The following TRIM49 variants were observed in gnomAD, a reference collection of about 807,000 sequenced individuals.
TRIM49 encodes tripartite motif-containing protein 49.
Under a neutral mutation model 27.4 loss-of-function variants are expected in TRIM49, and 5 were observed. That is an observed-to-expected ratio of 0.18 (90% confidence interval 0.10 to 0.38). The LOEUF is 0.38. Among genes scored for constraint, TRIM49 ranks in the 10% least tolerant of loss-of-function variants. The probability of loss-of-function intolerance (pLI) is 1.00; values close to 1 mark genes in which losing one functional copy is unlikely to be tolerated. For synonymous variants in TRIM49, 69 were observed against 166.0 expected, an observed-to-expected ratio of 0.42 and a Z score of 4.49; for missense variants, 188 against 487.5, an observed-to-expected ratio of 0.39 and a Z score of 5.79.
At chr11:89,796,898 T>C (rs1949693914), downstream of TRIM49, among the ~76,000 whole-genome samples, 1 of 150,846 alleles carries the variant, frequency 6.6e-6, no homozygotes, top group Admixed American at 6.6e-5. Context: ...TTGAAGTATA[T>C]GTAGGCAATC....
chr11:89,796,085 A>T (rs1199503542), downstream of TRIM49, among the ~76,000 whole-genome samples: 1 of 151,792 alleles, frequency 6.6e-6, no homozygotes, highest in African/African-American at 2.4e-5. Context: ...TCTAATAAAA[A>T]TACTTTAAAC....
At chr11:89,790,564 G>C in the TRIM49 span, among the ~76,000 whole-genome samples, 2 of 152,002 alleles carry the variant, frequency 1.3e-5, no homozygotes, top group African/African-American at 2.4e-5. Flanking sequence ...CTAGAGGAAC[G>C]ATCAGGCAGC....
At chr11:89,769,800 C>T in the TRIM49 span, among the ~76,000 whole-genome samples, 1 of 106,610 alleles carries the variant, frequency 9.4e-6, no homozygotes, top group Admixed American at 8.6e-5. Context: ...CACGAGATGC[C>T]ATTTGGCTCT....
chr11:89,787,921 C>G, the TRIM49 span: 1 of 370,970 alleles, frequency 2.7e-6, no homozygotes, highest in African/African-American at 2.7e-5. Flanking sequence ...CCGGGACCAC[C>G]GGGCCGCGTG....
At chr11:89,804,849 A>AG (rs1279394471) in intron 2 of TRIM49, among the ~76,000 whole-genome samples, 3 of 151,392 alleles carry the variant, frequency 2.0e-5, no homozygotes, top group Admixed American at 1.3e-4. Context: ...AAAGAGTGGG[A>AG]GGGAAAAAAC....
downstream of TRIM49, among the ~76,000 whole-genome samples, chr11:89,795,738 G>A (rs1949682887): frequency 8.3e-6 from 1 of 120,192 alleles, no homozygotes; most frequent in Admixed American, 9.2e-5. Flanking sequence ...GGCCTGTTAT[G>A]GGGTGGGGGG....
At position 89,807,241 on chromosome 11, in the gene TRIM49, C is replaced by T. The variant is rs1949794786; in HGVS notation, c.-147G>A. On this transcript the variant is annotated 5_prime_UTR_variant, in exon 2 of 8. Transcript: ENST00000329758. Reference sequence around the variant, plus strand: ...AGTTCTAAGTGCAGTCCTTCTCCTTCAGAGAAAACTGAGCTTGTCTCTTCC... The same window carrying T: ...AGTTCTAAGTGCAGTCCTTCTCCTTTAGAGAAAACTGAGCTTGTCTCTTCC... 1 of 152,686 alleles carries T rather than the reference C, an allele frequency of 6.5e-6. No individual in the cohort carries two copies. The highest frequency in any genetic ancestry group is 2.4e-5 in the African/African-American group (1 of 41,176). 9.5% of individuals were successfully genotyped at this position (152,686 alleles called of 1,614,324 possible).
intron 3 of TRIM49, 70 bp downstream of exon 3, chr11:89,803,989 T>C: frequency 6.2e-7 from 1 of 1,611,558 alleles, no homozygotes; most frequent in Non-Finnish European, 8.5e-7. Flanking sequence ...TTATCCAATC[T>C]CCAAGAAAAT....
At chr11:89,804,027 T>C (rs1438394512) in intron 3 of TRIM49, 32 bp downstream of exon 3, 1 of 1,610,974 alleles carries the variant, frequency 6.2e-7, no homozygotes, top group Non-Finnish European at 8.5e-7. Context: ...ATGCTTCCTT[T>C]ACAGAAATCG....
the TRIM49 span, among the ~76,000 whole-genome samples, chr11:89,774,138 T>C: frequency 6.7e-6 from 1 of 149,864 alleles, no homozygotes; most frequent in African/African-American, 2.5e-5. Context: ...GTAGCTAGGA[T>C]TACAAGTGCC....
chr11:89,793,491 A>C (rs1209608162), downstream of TRIM49, among the ~76,000 whole-genome samples: 1 of 150,670 alleles, frequency 6.6e-6, no homozygotes, highest in Admixed American at 6.6e-5. Context: ...TCAATAAAAT[A>C]CTGACAAACA....
chr11:89,784,628 T>G, the TRIM49 span, among the ~76,000 whole-genome samples: 6 of 140,852 alleles, frequency 4.3e-5, 1 homozygote, highest in African/African-American at 1.8e-4. Context: ...GCACTCCTTT[T>G]TTTGATTTTC....
the TRIM49 span, among the ~76,000 whole-genome samples, chr11:89,784,586 G>A: frequency 7.4e-6 from 1 of 135,290 alleles, no homozygotes; most frequent in Admixed American, 7.2e-5. Context: ...GATCTGAGAT[G>A]ATAAAATTAT....
At chr11:89,776,416 C>T in the TRIM49 span, among the ~76,000 whole-genome samples, 6 of 148,056 alleles carry the variant, frequency 4.1e-5, 1 homozygote, top group African/African-American at 1.3e-4. Context: ...TGCCACCACG[C>T]CCTGCTAATT....
downstream of TRIM49, among the ~76,000 whole-genome samples, chr11:89,793,917 G>T (rs1269188711): frequency 2.0e-5 from 3 of 151,506 alleles, no homozygotes; most frequent in African/African-American, 7.3e-5. Context: ...GAAATAAAGG[G>T]TATTCAATTA....
chr11:89,793,892 A>G (rs1319554583), downstream of TRIM49, among the ~76,000 whole-genome samples: 4 of 151,860 alleles, frequency 2.6e-5, no homozygotes, highest in South Asian at 2.1e-4. Flanking sequence ...GGCCAGGGCA[A>G]TCAGGCAAGA....
the TRIM49 span, among the ~76,000 whole-genome samples, chr11:89,792,013 GAC>G: frequency 6.8e-6 from 1 of 148,014 alleles, no homozygotes; most frequent in African/African-American, 2.5e-5. Flanking sequence ...CACGTGCAGA[GAC>G]ACACATAGGC....
chr11:89,787,891 G>A, the TRIM49 span: 2 of 408,290 alleles, frequency 4.9e-6, no homozygotes, highest in South Asian at 6.1e-5. Flanking sequence ...AGGCCGCGGG[G>A]CTGGGCACCG....
At chr11:89,804,517 T>C (rs760781249) in intron 2 of TRIM49, 44 bp from the exon 3 acceptor site, 3 of 1,529,642 alleles carry the variant, frequency 2.0e-6, no homozygotes, top group East Asian at 2.5e-5. Flanking sequence ...CCTGGGTTGA[T>C]GAAAACCTTC....
Sources: gnomAD v4.1 joint callset for allele counts (sites outside exome capture counted in the v4.1 genomes callset) on GRCh38, gnomAD v4.1.1 for gene constraint, MANE v1.5 for transcripts, NCBI Gene and HGNC (gene_info 2026-07-23, HGNC 2026-07-21) for gene names.